NRXN3: variants seen among roughly 807,000 people sequenced by gnomAD.
NRXN3 encodes the protein neurexin 3.
In NRXN3, 32 loss-of-function variants were observed where a neutral mutation model predicts 137.6. The ratio of observed to expected loss-of-function variants is 0.23; its 90% CI spans 0.18 to 0.31. The LOEUF is 0.31. Ranked by LOEUF, NRXN3 falls within the 10% of genes least tolerant of loss-of-function variation. The pLI, the probability that NRXN3 is intolerant of heterozygous loss-of-function variation, is 1.00. For missense variants in NRXN3, 1,574 were observed against 2,062.5 expected (o/e 0.76, Z 4.59); for synonymous variants, 798 against 784.5 (o/e 1.02, Z -0.29).
intron 4 of NRXN3, among the ~76,000 whole-genome samples, chr14:78,549,129 T>G (rs1252269125): frequency 6.6e-6 from 1 of 152,166 alleles, no homozygotes; most frequent in African/African-American, 2.4e-5. Context: ...TTTTTTGGTG[T>G]GCTGTCATAG....
intron 14 of NRXN3, among the ~76,000 whole-genome samples, chr14:78,977,610 A>G (rs190165183): frequency 6.6e-6 from 1 of 152,258 alleles, no homozygotes; most frequent in Non-Finnish European, 1.5e-5. Context: ...AGAAGGCTTC[A>G]TGCTACCAGC....
intron 15 of NRXN3, among the ~76,000 whole-genome samples, chr14:79,060,742 A>T (rs2099673208): frequency 6.6e-6 from 1 of 152,162 alleles, no homozygotes; most frequent in Non-Finnish European, 1.5e-5. Context: ...TCTCTCTTAT[A>T]GGTTTGAAAT....
At chr14:78,783,700 C>A (rs1246465001) in intron 8 of NRXN3, among the ~76,000 whole-genome samples, 1 of 151,970 alleles carries the variant, frequency 6.6e-6, no homozygotes, top group African/African-American at 2.4e-5. Flanking sequence ...AAAAAATGAG[C>A]AGAAAATACA....
At chr14:79,663,733 T>G in intron 16 of NRXN3, 45 bp from the exon 17 acceptor site, 2 of 1,572,152 alleles carry the variant, frequency 1.3e-6, no homozygotes, top group Non-Finnish European at 1.7e-6. Flanking sequence ...GGGAGAGAAC[T>G]TCGTGGTTGG....
chr14:79,860,913 A>G (rs2099412758), intron 20 of NRXN3: 4 of 598,324 alleles, frequency 6.7e-6, no homozygotes, highest in Non-Finnish European at 1.0e-5. Flanking sequence ...GAATGATTAG[A>G]CTCCATCCAG....
At chr14:78,913,622 C>G (rs2099246984) in intron 10 of NRXN3, among the ~76,000 whole-genome samples, 1 of 152,116 alleles carries the variant, frequency 6.6e-6, no homozygotes, top group African/African-American at 2.4e-5. Flanking sequence ...ATCCAATGTC[C>G]TCTTCTAATC....
At chr14:78,310,687 A>G (rs557436958) in intron 4 of NRXN3, among the ~76,000 whole-genome samples, 3 of 152,236 alleles carry the variant, frequency 2.0e-5, no homozygotes, top group Non-Finnish European at 4.4e-5. Flanking sequence ...GCATTATGGA[A>G]CAAATAGAAC....
intron 16 of NRXN3, among the ~76,000 whole-genome samples, chr14:79,514,093 G>T (rs2096958973): frequency 6.6e-6 from 1 of 152,104 alleles, no homozygotes; most frequent in Admixed American, 6.6e-5. Context: ...AATCAGGAAA[G>T]ATTAAATAAG....
intron 20 of NRXN3, among the ~76,000 whole-genome samples, chr14:79,854,395 A>G (rs1228819753): frequency 6.6e-6 from 1 of 152,072 alleles, no homozygotes; most frequent in African/African-American, 2.4e-5. Flanking sequence ...CTCCCAGCTT[A>G]CTTTGGCTAC....
At position 78,456,859 on chromosome 14, in the gene NRXN3, C is replaced by CTTTCTTTCTTTCTTTTTCTCTT. The variant is rs1567645300; in HGVS notation, c.757+159000_757+159001insTTCTTTCTTTCTTTTTCTCTTT. On this transcript the variant is annotated intron_variant, in intron 4 of 20. Transcript: ENST00000335750. ...TTTCTTTCTTTCTTTCTTTCTTTTT[C>CTTTCTTTCTTTCTTTTTCTCTT]TCTTTCTTTCTTTCTTTCTTTCCTT... 2.2e-4 allele frequency among the ~76,000 whole-genome samples: 18 copies of CTTTCTTTCTTTCTTTTTCTCTT among 81,282 alleles called. No individual in the cohort carries two copies. The East Asian group carries it at 3.1e-3, about 14-fold the overall frequency. 53.3% of individuals were successfully genotyped at this position (81,282 alleles called of 152,430 possible). A position where few individuals can be genotyped will look rare whatever the true frequency, so the allele number is the denominator to read the frequency against.
chr14:78,274,248 T>C (rs181852708), intron 2 of NRXN3, among the ~76,000 whole-genome samples: 3 of 152,254 alleles, frequency 2.0e-5, no homozygotes, highest in East Asian at 3.9e-4. Context: ...GGGTAATTTA[T>C]AAAGAAAAGA....
intron 8 of NRXN3, among the ~76,000 whole-genome samples, chr14:78,769,619 G>A (rs2098720250): frequency 6.6e-6 from 1 of 152,176 alleles, no homozygotes; most frequent in Non-Finnish European, 1.5e-5. Flanking sequence ...ATTTAGTATA[G>A]TTCACTTCTA....
intron 6 of NRXN3, among the ~76,000 whole-genome samples, chr14:78,652,606 G>A (rs1182417185): frequency 6.6e-6 from 1 of 152,196 alleles, no homozygotes; most frequent in Non-Finnish European, 1.5e-5. Flanking sequence ...TGGGGCATAT[G>A]TTTTATTCTT....
intron 15 of NRXN3, among the ~76,000 whole-genome samples, chr14:79,336,580 G>A (rs1214239948): frequency 1.3e-5 from 2 of 152,292 alleles, no homozygotes; most frequent in East Asian, 1.9e-4. Context: ...TGGCCTGTCA[G>A]TATCTGAAGT....
chr14:79,296,312 C>T (rs1038261920), intron 15 of NRXN3, among the ~76,000 whole-genome samples: 12 of 151,844 alleles, frequency 7.9e-5, no homozygotes, highest in South Asian at 4.1e-4. Context: ...TAGAAACTAC[C>T]GTGGGGATTT....
At chr14:78,484,019 CACACACACAGAG>C (rs1357526511) in intron 4 of NRXN3, among the ~76,000 whole-genome samples, 10 of 93,132 alleles carry the variant, frequency 1.1e-4, no homozygotes, top group Non-Finnish European at 4.7e-5. Context: ...CACACACACA[CACACACACAGAG>C]AGAGAGAGAG....
chr14:78,937,623 A>G (rs1167755043), intron 10 of NRXN3, among the ~76,000 whole-genome samples: 1 of 152,260 alleles, frequency 6.6e-6, no homozygotes, highest in African/African-American at 2.4e-5. Context: ...AATGCAGGAA[A>G]AAATTCAAAG....
At chr14:79,128,705 G>A (rs1396184021) in intron 15 of NRXN3, among the ~76,000 whole-genome samples, 2 of 152,122 alleles carry the variant, frequency 1.3e-5, no homozygotes, top group Non-Finnish European at 2.9e-5. Flanking sequence ...ATGAGTTAGG[G>A]AGGATTCCCT....
chr14:78,240,571 C>T (rs1295046537), intron 1 of NRXN3, among the ~76,000 whole-genome samples: 57 of 152,194 alleles, frequency 3.7e-4, no homozygotes. Flanking sequence ...TGGACTCTCT[C>T]CTCTGGATGT....
Sources: gnomAD v4.1 joint callset for allele counts (sites outside exome capture counted in the v4.1 genomes callset) on GRCh38, gnomAD v4.1.1 for gene constraint, MANE v1.5 for transcripts, NCBI Gene and HGNC (gene_info 2026-07-23, HGNC 2026-07-21) for gene names.